CACNG2: variants seen among roughly 807,000 people sequenced by gnomAD.
The protein encoded by CACNG2 is calcium voltage-gated channel auxiliary subunit gamma 2.
Under a neutral mutation model 25.9 loss-of-function variants are expected in CACNG2, and 3 were observed. The observed-to-expected ratio is 0.12, with a 90% CI of 0.05 to 0.30. The LOEUF is 0.30. Ranked by LOEUF, CACNG2 falls within the 10% of genes least tolerant of loss-of-function variation. The pLI, the probability that CACNG2 is intolerant of heterozygous loss-of-function variation, is 1.00. For missense variants in CACNG2, 341 were observed against 432.5 expected, an observed-to-expected ratio of 0.79 and a Z score of 1.88; for synonymous variants, 167 against 173.3, an observed-to-expected ratio of 0.96 and a Z score of 0.29.
At chr22:36,570,090 A>G (rs553339093) in intron 2 of CACNG2, among the ~76,000 whole-genome samples, 3 of 152,190 alleles carry the variant, frequency 2.0e-5, no homozygotes, top group Non-Finnish European at 4.4e-5. Flanking sequence ...AAATGGACTC[A>G]CAGCAGCCCA....
intron 1 of CACNG2, among the ~76,000 whole-genome samples, chr22:36,626,439 G>C (rs2032466): frequency 0.79 from 119,964 of 152,080 alleles, 47,382 homozygotes; most frequent in African/African-American, 0.84. Context: ...ACCACCATTT[G>C]TTATTTTTAT....
At chr22:36,631,737 CT>C (rs131828) in intron 1 of CACNG2, among the ~76,000 whole-genome samples, 3,680 of 115,300 alleles carry the variant, frequency 0.032, 130 homozygotes, top group African/African-American at 0.092. Context: ...GTGAGCAACT[CT>C]TTTTTTTTTT....
At chr22:36,610,054 C>G (rs558654474) in intron 1 of CACNG2, among the ~76,000 whole-genome samples, 1 of 151,032 alleles carries the variant, frequency 6.6e-6, no homozygotes, top group African/African-American at 2.4e-5. Context: ...AGGCAGGAAT[C>G]AGCACCCCAG....
intron 1 of CACNG2, among the ~76,000 whole-genome samples, chr22:36,660,539 G>T (rs1936776560): frequency 6.6e-6 from 1 of 152,266 alleles, no homozygotes. Context: ...GATTCAAGAG[G>T]AATTGAGCAC....
At chr22:36,648,583 C>A (rs750304431) in intron 1 of CACNG2, among the ~76,000 whole-genome samples, 45 of 152,302 alleles carry the variant, frequency 3.0e-4, no homozygotes, top group Non-Finnish European at 5.0e-4. Flanking sequence ...TACCTTCTGA[C>A]CTCCTACTTC....
chr22:36,658,700 C>T (rs903176438), intron 1 of CACNG2, among the ~76,000 whole-genome samples: 4 of 152,162 alleles, frequency 2.6e-5, no homozygotes, highest in African/African-American at 9.7e-5. Flanking sequence ...TGTTCCTGCC[C>T]TCAGGGAGCT....
chr22:36,655,949 A>C (rs1936699691), intron 1 of CACNG2, among the ~76,000 whole-genome samples: 1 of 151,914 alleles, frequency 6.6e-6, no homozygotes, highest in Non-Finnish European at 1.5e-5. Context: ...CTGGGATTAC[A>C]GGTGTGTGCC....
At chr22:36,666,521 CA>C (rs904871547) in intron 1 of CACNG2, among the ~76,000 whole-genome samples, 3 of 151,914 alleles carry the variant, frequency 2.0e-5, no homozygotes, top group African/African-American at 7.3e-5. Flanking sequence ...GGTTGAGGGG[CA>C]GGGGGGAATG....
intron 1 of CACNG2, among the ~76,000 whole-genome samples, chr22:36,595,510 G>A (rs1935666048): frequency 6.6e-6 from 1 of 152,198 alleles, no homozygotes; most frequent in Non-Finnish European, 1.5e-5. Flanking sequence ...GATGAAGGGT[G>A]ATCCTATGTG....
chr22:36,573,378 T>G (rs1175533291), intron 2 of CACNG2, among the ~76,000 whole-genome samples: 1 of 152,214 alleles, frequency 6.6e-6, no homozygotes, highest in African/African-American at 2.4e-5. Context: ...TCACCCAGGC[T>G]GGAGAGCAGT....
At chr22:36,648,130 T>C (rs1016248600) in intron 1 of CACNG2, among the ~76,000 whole-genome samples, 1 of 152,214 alleles carries the variant, frequency 6.6e-6, no homozygotes, top group African/African-American at 2.4e-5. Flanking sequence ...CACCAGCCAG[T>C]TAACAACATT....
chr22:36,605,687 C>G (rs1294108398), intron 1 of CACNG2, among the ~76,000 whole-genome samples: 1 of 152,222 alleles, frequency 6.6e-6, no homozygotes. Flanking sequence ...AGCACAGTGG[C>G]TGTCACCTAG....
intron 1 of CACNG2, among the ~76,000 whole-genome samples, chr22:36,595,166 G>A (rs543191739): frequency 1.3e-5 from 2 of 152,150 alleles, no homozygotes; most frequent in East Asian, 1.9e-4. Context: ...ATGAGGAAGT[G>A]GTGGAGGGTT....
chr22:36,612,835 C>G (rs1474818438), intron 1 of CACNG2, among the ~76,000 whole-genome samples: 2 of 152,170 alleles, frequency 1.3e-5, no homozygotes, highest in Non-Finnish European at 2.9e-5. Context: ...AGTCTTTTGT[C>G]CTAAGCTTGG....
chr22:36,569,378 A>G (rs1477143115), intron 2 of CACNG2, among the ~76,000 whole-genome samples: 2 of 152,106 alleles, frequency 1.3e-5, no homozygotes, highest in Non-Finnish European at 2.9e-5. Context: ...TAGTCTCCCT[A>G]TGTGGCTTCC....
chr22:36,610,713 A>G (rs1935926755), intron 1 of CACNG2, among the ~76,000 whole-genome samples: 1 of 152,212 alleles, frequency 6.6e-6, no homozygotes, highest in African/African-American at 2.4e-5. Flanking sequence ...TGGGGCTTCC[A>G]TGGGACAAGG....
intron 1 of CACNG2, among the ~76,000 whole-genome samples, chr22:36,677,099 T>C (rs1325825716): frequency 2.0e-5 from 3 of 151,980 alleles, no homozygotes. Flanking sequence ...AGAAGAAAAA[T>C]AATAATGAAT....
chr22:36,662,159 T>A (rs1569044459), intron 1 of CACNG2, among the ~76,000 whole-genome samples: 1 of 151,736 alleles, frequency 6.6e-6, no homozygotes, highest in Non-Finnish European at 1.5e-5. Flanking sequence ...TTTTTGTATT[T>A]TTAGTAGAGA....
chr22:36,687,428 T>C (rs1288755108), intron 1 of CACNG2, among the ~76,000 whole-genome samples: 1 of 152,248 alleles, frequency 6.6e-6, no homozygotes, highest in African/African-American at 2.4e-5. Context: ...CTTTGTCTTA[T>C]TTAAACCACT....
Sources: gnomAD v4.1 joint callset for allele counts (sites outside exome capture counted in the v4.1 genomes callset) on GRCh38, gnomAD v4.1.1 for gene constraint, MANE v1.5 for transcripts, NCBI Gene and HGNC (gene_info 2026-07-23, HGNC 2026-07-21) for gene names.